Variants in ELMO1 observed in about 807,000 individuals in gnomAD.
ELMO1 encodes the protein engulfment and cell motility protein 1.
A neutral mutation model predicts 98.9 loss-of-function variants in ELMO1; 26 were observed. The observed-to-expected ratio is 0.26, with a 90% confidence interval of 0.19 to 0.36. The LOEUF is 0.36. Ranked by LOEUF, ELMO1 falls within the 10% of genes least tolerant of loss-of-function variation. ELMO1 has a pLI of 1.00. For missense variants in ELMO1, 627 were observed against 935.2 expected, an observed-to-expected ratio of 0.67 and a Z score of 4.30; for synonymous variants, 346 against 346.0, an observed-to-expected ratio of 1.00 and a Z score of 0.00.
chr7:36,961,614 A>G (rs574170659), intron 16 of ELMO1, among the ~76,000 whole-genome samples: 1 of 152,226 alleles, frequency 6.6e-6, no homozygotes, highest in Non-Finnish European at 1.5e-5. Context: ...GAATGGAAAC[A>G]TCTAACTGCT....
At chr7:37,149,591 A>G (rs1435826573) in intron 13 of ELMO1, among the ~76,000 whole-genome samples, 1 of 152,232 alleles carries the variant, frequency 6.6e-6, no homozygotes, top group Non-Finnish European at 1.5e-5. Context: ...ATTGATTTGC[A>G]TACTGTCTGT....
intron 4 of ELMO1, among the ~76,000 whole-genome samples, chr7:37,292,704 C>T (rs1339203224): frequency 1.4e-5 from 1 of 69,582 alleles, no homozygotes; most frequent in Admixed American, 1.5e-4. Flanking sequence ...AGGAGCGTCT[C>T]CGCCCGGCAG....
chr7:37,240,965 T>C (rs951403420), intron 7 of ELMO1, among the ~76,000 whole-genome samples: 5 of 152,150 alleles, frequency 3.3e-5, no homozygotes, highest in South Asian at 4.1e-4. Flanking sequence ...TAAATGACAA[T>C]TAAGGCAAGA....
intron 16 of ELMO1, among the ~76,000 whole-genome samples, chr7:36,987,115 C>T (rs903381914): frequency 9.2e-5 from 14 of 152,158 alleles, no homozygotes; most frequent in African/African-American, 3.4e-4. Context: ...ACGGAGTGTT[C>T]AGGCCCAGCT....
intron 15 of ELMO1, among the ~76,000 whole-genome samples, chr7:37,094,967 T>A (rs958816847): frequency 1.3e-5 from 2 of 152,178 alleles, no homozygotes; most frequent in Non-Finnish European, 2.9e-5. Context: ...AGGACAGACA[T>A]ATGTCCCTTG....
At chr7:37,310,400 G>A (rs1421640340) in intron 4 of ELMO1, among the ~76,000 whole-genome samples, 1 of 152,008 alleles carries the variant, frequency 6.6e-6, no homozygotes, top group Non-Finnish European at 1.5e-5. Flanking sequence ...TTAGGATTAG[G>A]GATGACAAGG....
At chr7:37,400,324 T>C (rs1204262676) in intron 1 of ELMO1, among the ~76,000 whole-genome samples, 1 of 152,122 alleles carries the variant, frequency 6.6e-6, no homozygotes, top group Non-Finnish European at 1.5e-5. Flanking sequence ...ACACTGTCCA[T>C]AGATCACAAT....
At chr7:37,415,316 G>A (rs1243343781) in intron 1 of ELMO1, among the ~76,000 whole-genome samples, 5 of 152,176 alleles carry the variant, frequency 3.3e-5, no homozygotes, top group African/African-American at 4.8e-5. Context: ...GAGGTCTTTG[G>A]AATCACTGAA....
rs1231856245 is a variant in ELMO1 at position 37,310,134 on chromosome 7, G to T, written c.192+4716C>A. Among the ~76,000 whole-genome samples the T allele has an allele frequency of 2.0e-5, 3 of 152,170 alleles. No homozygotes were observed. In the East Asian group the frequency reaches 5.8e-4, roughly 29 times the overall value. On this transcript the variant is annotated intron_variant, in intron 4 of 21. Transcript: ENST00000310758. ...CTACTTCCTTACCAAAGGTGCCTGGGGCCAGCTTTGCAGAGAGGGCCTGAA... is the reference window on the plus strand; with the variant it reads ...CTACTTCCTTACCAAAGGTGCCTGGTGCCAGCTTTGCAGAGAGGGCCTGAA...
At chr7:37,080,205 T>C (rs1797789450) in intron 15 of ELMO1, among the ~76,000 whole-genome samples, 1 of 152,226 alleles carries the variant, frequency 6.6e-6, no homozygotes, top group Admixed American at 6.5e-5. Context: ...GCTAACACTC[T>C]GGTTCAGGAC....
rs746379688 is a variant in ELMO1, at chr7:37,259,183, A to G, written c.411T>C (p.Thr137=). 1.7e-5 allele frequency: 28 copies of G among 1,610,672 alleles called. No homozygotes were observed. The highest frequency in any genetic ancestry group is 1.3e-4 in the South Asian group (12 of 90,820). The change falls in exon 6 of 22, where the codon ACT becomes ACC. Residue 137 remains threonine, a splice_region_variant and synonymous_variant. Coordinates refer to ENST00000310758, the MANE Select transcript of ELMO1 (RefSeq NM_014800.11). ...AAGTTAGGAAAAAAGACGCTTACTC[A>G]GTGCCGCTCTCCACCATCTGCGTGA... ...SLLTQMVESG[T]ERYQKLQKIM... is the part of the protein sequence containing the mutation.
chr7:37,202,848 T>G (rs1792373693), intron 13 of ELMO1, among the ~76,000 whole-genome samples: 1 of 152,074 alleles, frequency 6.6e-6, no homozygotes, highest in Non-Finnish European at 1.5e-5. Context: ...CCCAATGGCT[T>G]AGGATGTATT....
chr7:37,121,241 G>C (rs982176986), intron 14 of ELMO1, among the ~76,000 whole-genome samples: 3 of 152,210 alleles, frequency 2.0e-5, no homozygotes, highest in Admixed American at 6.5e-5. Context: ...AAGGAACGCA[G>C]CTCCTCACCA....
chr7:37,182,462 CTT>C (rs59657539), intron 13 of ELMO1, among the ~76,000 whole-genome samples: 5,668 of 14,618 alleles, frequency 0.39, 1,277 homozygotes, highest in African/African-American at 0.49. Context: ...TTGTGCTCTA[CTT>C]TTTTTTTTTT....
chr7:37,160,873 G>A (rs922268771), intron 13 of ELMO1, among the ~76,000 whole-genome samples: 2 of 152,308 alleles, frequency 1.3e-5, no homozygotes, highest in Middle Eastern at 3.4e-3. Context: ...GACATAGGGG[G>A]CAGCACAGGG....
intron 1 of ELMO1, among the ~76,000 whole-genome samples, chr7:37,366,701 T>A (rs1012317918): frequency 6.6e-6 from 1 of 152,188 alleles, no homozygotes; most frequent in Non-Finnish European, 1.5e-5. Flanking sequence ...ATCTCCCCCC[T>A]GTAGCATCAC....
chr7:36,958,355 A>G (rs968197619), intron 16 of ELMO1, among the ~76,000 whole-genome samples: 9 of 152,202 alleles, frequency 5.9e-5, no homozygotes, highest in African/African-American at 2.2e-4. Flanking sequence ...TTAACTAACA[A>G]GAGAGTTCTT....
chr7:37,346,784 C>A (rs902184780), intron 1 of ELMO1, among the ~76,000 whole-genome samples: 1 of 152,166 alleles, frequency 6.6e-6, no homozygotes, highest in Non-Finnish European at 1.5e-5. Flanking sequence ...CCCACCTCTA[C>A]ATAAAATTGT....
At chr7:37,119,371 G>A (rs186444484) in intron 14 of ELMO1, among the ~76,000 whole-genome samples, 7 of 152,244 alleles carry the variant, frequency 4.6e-5, no homozygotes, top group East Asian at 1.9e-4. Flanking sequence ...CATAGTAAAG[G>A]CTCAAAAGAT....
Sources: gnomAD v4.1 joint callset for allele counts (sites outside exome capture counted in the v4.1 genomes callset) on GRCh38, gnomAD v4.1.1 for gene constraint, MANE v1.5 for transcripts, NCBI Gene and HGNC (gene_info 2026-07-23, HGNC 2026-07-21) for gene names.